SBF2: variants seen among roughly 807,000 people sequenced by gnomAD.
The protein encoded by SBF2 is SET binding factor 2.
A neutral mutation model predicts 225.2 loss-of-function variants in SBF2; 112 were observed. That is an observed-to-expected ratio of 0.50 (90% CI 0.43 to 0.58). SBF2 has a LOEUF of 0.58. SBF2 is among the 20% of genes least tolerant of loss of function. The pLI is 0.00. For missense variants in SBF2, 1,996 were observed against 2,206.2 expected, an observed-to-expected ratio of 0.90 and a Z score of 1.91; for synonymous variants, 763 against 773.3, an observed-to-expected ratio of 0.99 and a Z score of 0.22.
In SBF2 at chr11:10,031,091, CT is replaced by C. The variant is rs1420060688; in HGVS notation, c.358del (p.Ser120AlafsTer20). On this transcript the variant is annotated frameshift_variant, in exon 4 of 40. Coordinates refer to ENST00000256190, the MANE Select transcript of SBF2 (RefSeq NM_030962.4). LOFTEE classifies it high-confidence loss of function. The stretch of plus-strand genomic sequence containing the variant: ...ATATAATCTGGATACCAACACCAGG[CT>C]TTTGGGAGCAAACACTTCTGCAGGC... ...IQPAEVFAPK[S>X]LVLVSRLYYP... The C allele has an allele frequency of 6.2e-7, 1 of 1,613,448 alleles. No individual in the cohort carries two copies. Among genetic ancestry groups the C allele is most frequent in the Admixed American group, 1.7e-5 (1 of 60,012 alleles).
At chr11:10,136,248 G>A (rs1298984961) in intron 2 of SBF2, among the ~76,000 whole-genome samples, 1 of 152,108 alleles carries the variant, frequency 6.6e-6, no homozygotes, top group Non-Finnish European at 1.5e-5. Context: ...TGGGAATTAT[G>A]AGAACTACAA....
At chr11:10,093,945 T>C (rs1951894439) in intron 2 of SBF2, among the ~76,000 whole-genome samples, 1 of 152,178 alleles carries the variant, frequency 6.6e-6, no homozygotes, top group African/African-American at 2.4e-5. Flanking sequence ...GGCATAAACA[T>C]TAAAAAGCAT....
chr11:10,130,496 T>C (rs1953989091), intron 2 of SBF2, among the ~76,000 whole-genome samples: 1 of 152,166 alleles, frequency 6.6e-6, no homozygotes, highest in Admixed American at 6.5e-5. Context: ...CCCTGTACTC[T>C]TTACTCAGTT....
At chr11:10,287,829 T>TA (rs1299634904) in intron 1 of SBF2, among the ~76,000 whole-genome samples, 1 of 152,194 alleles carries the variant, frequency 6.6e-6, no homozygotes, top group Non-Finnish European at 1.5e-5. Context: ...CAGCTCACGC[T>TA]ACCAGCCTGG....
chr11:9,787,832 A>T (rs1307379399), intron 35 of SBF2, 94 bp from the exon 36 acceptor site: 10 of 1,064,390 alleles, frequency 9.4e-6, no homozygotes, highest in African/African-American at 1.6e-5. Context: ...CCAGATGAGC[A>T]GCATGGCCAG....
chr11:10,130,197 C>G (rs186017313), intron 2 of SBF2, among the ~76,000 whole-genome samples: 1 of 151,932 alleles, frequency 6.6e-6, no homozygotes, highest in Non-Finnish European at 1.5e-5. Flanking sequence ...CCCATCTCTA[C>G]TAAAAATACA....
intron 1 of SBF2, among the ~76,000 whole-genome samples, chr11:10,210,237 G>A (rs1287564076): frequency 6.6e-6 from 1 of 152,020 alleles, no homozygotes; most frequent in African/African-American, 2.4e-5. Flanking sequence ...GAGCCTACAA[G>A]GTCAAGGCTG....
intron 32 of SBF2, among the ~76,000 whole-genome samples, chr11:9,798,556 C>G (rs1853276556): frequency 6.6e-6 from 1 of 152,240 alleles, no homozygotes; most frequent in African/African-American, 2.4e-5. Context: ...TCAGTAGTCA[C>G]AGGCCAGCCC....
intron 1 of SBF2, among the ~76,000 whole-genome samples, chr11:10,299,400 T>C: frequency 6.7e-6 from 1 of 148,156 alleles, no homozygotes; most frequent in East Asian, 2.0e-4. Context: ...ATGAGATGAA[T>C]GGTTGAATCT....
At chr11:10,073,441 AG>A (rs2134822176) in intron 2 of SBF2, among the ~76,000 whole-genome samples, 1 of 152,332 alleles carries the variant, frequency 6.6e-6, no homozygotes, top group African/African-American at 2.4e-5. Context: ...GGCCCAGCAC[AG>A]TGGCTTGCAC....
intron 1 of SBF2, among the ~76,000 whole-genome samples, chr11:10,218,187 A>G (rs1308579350): frequency 6.6e-6 from 1 of 152,140 alleles, no homozygotes; most frequent in African/African-American, 2.4e-5. Flanking sequence ...GGTGTGAGCC[A>G]CAGTGCCCAG....
intron 5 of SBF2, among the ~76,000 whole-genome samples, 180 bp from the exon 6 acceptor site, chr11:10,028,737 A>C (rs1949140843): frequency 6.6e-6 from 1 of 152,264 alleles, no homozygotes; most frequent in African/African-American, 2.4e-5. Flanking sequence ...TAAGTGGCAT[A>C]AGAAAATTCA....
intron 2 of SBF2, among the ~76,000 whole-genome samples, chr11:10,082,816 G>A (rs749507050): frequency 2.0e-5 from 3 of 151,986 alleles, no homozygotes; most frequent in Non-Finnish European, 4.4e-5. Context: ...TTTCCCCTAA[G>A]AGCTGGGACA....
chr11:9,863,051 T>C (rs1857895249), intron 17 of SBF2, among the ~76,000 whole-genome samples: 1 of 151,966 alleles, frequency 6.6e-6, no homozygotes, highest in Admixed American at 6.6e-5. Context: ...TGCAATTTTA[T>C]GAGATGTTTA....
chr11:10,174,295 C>T (rs1372853248), intron 2 of SBF2, among the ~76,000 whole-genome samples: 1 of 152,066 alleles, frequency 6.6e-6, no homozygotes, highest in East Asian at 1.9e-4. Flanking sequence ...ACTAGAATAA[C>T]CAATACAGAG....
At chr11:10,023,792 T>C (rs1447446819) in intron 6 of SBF2, among the ~76,000 whole-genome samples, 1 of 152,242 alleles carries the variant, frequency 6.6e-6, no homozygotes, top group Non-Finnish European at 1.5e-5. Context: ...TTTGGATTGC[T>C]TCCACTTTCT....
chr11:10,207,879 G>A (rs1785827249), intron 1 of SBF2, among the ~76,000 whole-genome samples: 1 of 152,016 alleles, frequency 6.6e-6, no homozygotes, highest in South Asian at 2.1e-4. Flanking sequence ...CTTATCAAAG[G>A]TAAATATGAT....
Position 9,984,815 on chromosome 11 carries a change from G to T in SBF2, c.1395+4682C>A, listed in dbSNP as rs375095747. On this transcript the variant is annotated intron_variant, in intron 13 of 39. Coordinates refer to ENST00000256190, the MANE Select transcript of SBF2 (RefSeq NM_030962.4). ...GAAACAATTATCAGCCAAGAATTTT[G>T]TATCCAGTGAAACTAAACATCATAT... Among the ~76,000 whole-genome samples the T allele has an allele frequency of 3.5e-3, 532 of 152,270 alleles. 2 individuals carry two copies. The highest frequency in any genetic ancestry group is 0.012 in the African/African-American group (504 of 41,548).
intron 2 of SBF2, among the ~76,000 whole-genome samples, chr11:10,162,295 G>A (rs1955787388): frequency 1.3e-5 from 2 of 151,994 alleles, no homozygotes; most frequent in Admixed American, 1.3e-4. Context: ...CCTCAGTGGA[G>A]GCTGAGGATA....
Sources: allele counts gnomAD v4.1 joint callset (sites outside exome capture counted in the v4.1 genomes callset), GRCh38; gene constraint gnomAD v4.1.1; transcripts MANE v1.5; gene names NCBI Gene and HGNC (gene_info 2026-07-23, HGNC 2026-07-21).